The following DOCK8 variants were observed in gnomAD, a reference collection of about 807,000 sequenced individuals.
DOCK8 encodes dedicator of cytokinesis 8.
In DOCK8, 141 loss-of-function variants were observed where a neutral mutation model predicts 245.6. The ratio of observed to expected loss-of-function variants is 0.57; its 90% CI spans 0.50 to 0.66. The LOEUF is 0.66. Among genes scored for constraint, DOCK8 ranks in the 30% least tolerant of loss-of-function variants. The pLI, the probability that DOCK8 is intolerant of heterozygous loss-of-function variation, is 0.00. For synonymous variants in DOCK8, 1,168 were observed against 970.2 expected (o/e 1.20, Z -3.79); for missense variants, 2,965 against 2,603.4 (o/e 1.14, Z -3.02).
At chr9:218,730 AG>A (rs1455233556) in intron 1 of DOCK8, among the ~76,000 whole-genome samples, 4 of 152,244 alleles carry the variant, frequency 2.6e-5, no homozygotes, top group Non-Finnish European at 5.9e-5. Context: ...AAGTAAAATA[AG>A]AACCTTGGAT....
intron 29 of DOCK8, 39 bp downstream of exon 29, chr9:414,990 G>T: frequency 6.2e-7 from 1 of 1,611,150 alleles, no homozygotes; most frequent in Non-Finnish European, 8.5e-7. Flanking sequence ...ATTGTTGGGG[G>T]CCCCTGCCAA....
intron 26 of DOCK8, among the ~76,000 whole-genome samples, chr9:401,238 G>A (rs929781124): frequency 5.3e-5 from 8 of 152,164 alleles, no homozygotes; most frequent in African/African-American, 1.2e-4. Context: ...GCTGATCAAC[G>A]AAAAGGATAG....
chr9:400,169 CCACCATCACCACCTCCTTCACCAT>C (rs2054770531), intron 26 of DOCK8, among the ~76,000 whole-genome samples: 4 of 106,050 alleles, frequency 3.8e-5, no homozygotes, highest in Non-Finnish European at 7.6e-5. Flanking sequence ...ACCACCACCT[CCACCATCACCACCTCCTTCACCAT>C]CACCATCACC....
In DOCK8 at chr9:405,155, A is replaced by G. The variant is rs1190016635; in HGVS notation, c.3390+82A>G. On this transcript the variant is annotated intron_variant, in intron 27 of 47. Transcript: ENST00000432829. ...TCAGTTTAATCATGTATTTCCTATA[A>G]AGGTTAGTCTTATTAATTTGACAAA... 2.9e-6 allele frequency: 4 copies of G among 1,398,346 alleles called. No individual in the cohort carries two copies. The South Asian group carries it at 3.6e-5, about 13-fold the overall frequency. 86.6% of individuals were successfully genotyped at this position (1,398,346 alleles called of 1,614,324 possible). A position where few individuals can be genotyped will look rare whatever the true frequency, so the allele number is the denominator to read the frequency against.
intron 26 of DOCK8, among the ~76,000 whole-genome samples, chr9:400,301 T>TCACCACCAC (rs1564013300): frequency 1.3e-4 from 1 of 7,648 alleles, no homozygotes. Flanking sequence ...ACCACCACCA[T>TCACCACCAC]CTTCACCGTC....
intron 28 of DOCK8, among the ~76,000 whole-genome samples, chr9:410,828 G>C (rs2055687003): frequency 6.6e-6 from 1 of 152,078 alleles, no homozygotes; most frequent in South Asian, 2.1e-4. Flanking sequence ...CTTTAGCTGA[G>C]CTGACCAAGA....
rs115270620 is a variant in DOCK8, at chr9:423,701, A to C, written c.4241+1566A>C. Among the ~76,000 whole-genome samples, 685 of 152,312 alleles carry C rather than the reference A, an allele frequency of 4.5e-3. 4 individuals carry two copies. The highest frequency in any genetic ancestry group is 0.015 in the African/African-American group (643 of 41,556). The stretch of plus-strand genomic sequence containing the variant: ...GCTTTGGGTATGTTATTCTTGCACT[A>C]AATTCCCTGGACTGATTTATAAAAT... On this transcript the variant is annotated intron_variant, in intron 33 of 47. Coordinates refer to ENST00000432829, the MANE Select transcript of DOCK8 (RefSeq NM_203447.4).
At chr9:413,880 G>A (rs1434524863) in intron 28 of DOCK8, among the ~76,000 whole-genome samples, 7 of 152,182 alleles carry the variant, frequency 4.6e-5, no homozygotes, top group Non-Finnish European at 8.8e-5. Flanking sequence ...GGCGGCTCAC[G>A]CCTATAATCT....
intron 1 of DOCK8, among the ~76,000 whole-genome samples, chr9:216,821 G>A (rs1386579126): frequency 1.3e-5 from 2 of 152,098 alleles, no homozygotes; most frequent in African/African-American, 2.4e-5. Context: ...GCCGAGACCC[G>A]GACTAATCCT....
intron 22 of DOCK8, among the ~76,000 whole-genome samples, chr9:385,544 G>A (rs933027870): frequency 6.6e-6 from 1 of 152,180 alleles, no homozygotes; most frequent in Non-Finnish European, 1.5e-5. Flanking sequence ...GTGTCTGTGT[G>A]ATGGAAATAT....
intron 4 of DOCK8, among the ~76,000 whole-genome samples, chr9:303,526 A>G (rs10813061): frequency 0.69 from 105,274 of 152,000 alleles, 36,998 homozygotes; most frequent in South Asian, 0.8. Context: ...TATCCTAAAC[A>G]AATTAACACA....
intron 5 of DOCK8, among the ~76,000 whole-genome samples, chr9:309,473 A>G (rs2050001582): frequency 6.6e-6 from 1 of 152,208 alleles, no homozygotes; most frequent in South Asian, 2.1e-4. Context: ...GATATTTACC[A>G]TTAATCCATT....
chr9:438,026 G>A (rs2068736), intron 39 of DOCK8, among the ~76,000 whole-genome samples: 3,710 of 152,320 alleles, frequency 0.024, 141 homozygotes, highest in African/African-American at 0.082. Context: ...TGTTGTCACA[G>A]AAACATCATA....
At chr9:267,292 A>G (rs1354343591) in intron 1 of DOCK8, among the ~76,000 whole-genome samples, 3 of 152,106 alleles carry the variant, frequency 2.0e-5, no homozygotes, top group African/African-American at 7.2e-5. Context: ...TGTAGCCTCA[A>G]CCTCCCAGGC....
chr9:414,408 G>C (rs2055890954), intron 28 of DOCK8, among the ~76,000 whole-genome samples: 1 of 152,210 alleles, frequency 6.6e-6, no homozygotes, highest in Non-Finnish European at 1.5e-5. Flanking sequence ...AGCAGACCCA[G>C]GGTTAGAACA....
chr9:228,703 G>A (rs566538418), intron 1 of DOCK8, among the ~76,000 whole-genome samples: 1 of 152,052 alleles, frequency 6.6e-6, no homozygotes, highest in Non-Finnish European at 1.5e-5. Flanking sequence ...GTAGTCCTGG[G>A]AAACTAACAA....
Position 363,840 on chromosome 9 carries a change from G to A in DOCK8, c.1680-4178G>A, listed in dbSNP as rs142069008. Among the ~76,000 whole-genome samples, 16 of 152,306 alleles carry A rather than the reference G, an allele frequency of 1.1e-4. 1 individual carries two copies. The highest frequency in any genetic ancestry group is 3.8e-4 in the African/African-American group (16 of 41,560). ...GCAAAATTGCTGAGCAGTGGTGGGG[G>A]TGCATGGGAATGGGTGGCGGTGCCC... On this transcript the variant is annotated intron_variant, in intron 14 of 47. Transcript: ENST00000432829.
At chr9:227,814 T>A (rs1316405479) in intron 1 of DOCK8, among the ~76,000 whole-genome samples, 1 of 151,998 alleles carries the variant, frequency 6.6e-6, no homozygotes, top group Non-Finnish European at 1.5e-5. Context: ...GGAATGGGCC[T>A]AGAGGAAGAG....
At chr9:302,191 G>A (rs115931046) in intron 4 of DOCK8, among the ~76,000 whole-genome samples, 2 of 152,246 alleles carry the variant, frequency 1.3e-5, no homozygotes, top group African/African-American at 4.8e-5. Context: ...CAGAAATAAA[G>A]CTGCACGCCT....
Sources: allele counts gnomAD v4.1 joint callset (sites outside exome capture counted in the v4.1 genomes callset), GRCh38; gene constraint gnomAD v4.1.1; transcripts MANE v1.5; gene names NCBI Gene and HGNC (gene_info 2026-07-23, HGNC 2026-07-21).